GRHL2: variants seen among roughly 807,000 people sequenced by gnomAD.
GRHL2 encodes the protein grainyhead-like protein 2 homolog.
A neutral mutation model predicts 83.8 loss-of-function variants in GRHL2; 21 were observed. That is an observed-to-expected ratio of 0.25 (90% confidence interval 0.18 to 0.36). The LOEUF (loss-of-function observed/expected upper bound fraction) is 0.36, where lower values mean the gene tolerates loss of function less well. GRHL2 is among the 10% of genes least tolerant of loss of function. The pLI, the probability that GRHL2 is intolerant of heterozygous loss-of-function variation, is 1.00. For synonymous variants in GRHL2, 280 were observed against 278.9 expected, an observed-to-expected ratio of 1.00 and a Z score of -0.04; for missense variants, 623 against 781.8, an observed-to-expected ratio of 0.80 and a Z score of 2.42.
In GRHL2 at chr8:101,629,552, A is replaced by C. The variant is rs145570409; in HGVS notation, c.1258-2085A>C. ...CAGATTAATTCTTGTCCCTTTCCTC[A>C]TAAATAGTACAAAATAAAACATTAA... On this transcript the variant is annotated intron_variant, in intron 9 of 15. Coordinates refer to ENST00000646743, the MANE Select transcript of GRHL2 (RefSeq NM_024915.4). Among the ~76,000 whole-genome samples, 641 of 152,200 alleles carry C rather than the reference A, an allele frequency of 4.2e-3. 5 individuals are homozygous for C. Among genetic ancestry groups the C allele is most frequent in the African/African-American group, 0.014 (597 of 41,538 alleles).
At chr8:101,640,145 G>A (rs556486518) in intron 12 of GRHL2, among the ~76,000 whole-genome samples, 1 of 152,348 alleles carries the variant, frequency 6.6e-6, no homozygotes, top group African/African-American at 2.4e-5. Flanking sequence ...TATCATGCCA[G>A]TCAGCCACAA....
intron 7 of GRHL2, among the ~76,000 whole-genome samples, chr8:101,592,105 T>TC (rs1400372977): frequency 7.8e-5 from 10 of 128,848 alleles, no homozygotes; most frequent in East Asian, 4.3e-4. Context: ...CTTTTCTTTT[T>TC]TTTTTTTTTT....
chr8:101,510,337 T>G (rs1810438130), intron 1 of GRHL2, among the ~76,000 whole-genome samples: 1 of 152,194 alleles, frequency 6.6e-6, no homozygotes, highest in Non-Finnish European at 1.5e-5. Flanking sequence ...TAAGTATTTG[T>G]CCATGAGTTT....
intron 14 of GRHL2, among the ~76,000 whole-genome samples, chr8:101,653,322 T>TAA (rs1813712094): frequency 6.6e-6 from 1 of 152,166 alleles, no homozygotes; most frequent in South Asian, 2.1e-4. Flanking sequence ...GGAAAAACCT[T>TAA]AACTTTTAAG....
the GRHL2 span, among the ~76,000 whole-genome samples, chr8:101,678,741 G>A: frequency 1.1e-3 from 160 of 152,142 alleles, 5 homozygotes; most frequent in Admixed American, 9.2e-3. Context: ...ATCTGAGAAC[G>A]GGCAGACTGC....
intron 7 of GRHL2, among the ~76,000 whole-genome samples, chr8:101,592,082 ACTTT>A (rs1245555585): frequency 9.3e-5 from 13 of 140,128 alleles, no homozygotes; most frequent in South Asian, 2.3e-4. Flanking sequence ...CAGGTACAGC[ACTTT>A]CTTTCTTTCT....
At chr8:101,617,959 T>A (rs1205731155) in intron 8 of GRHL2, among the ~76,000 whole-genome samples, 1 of 152,182 alleles carries the variant, frequency 6.6e-6, no homozygotes, top group Non-Finnish European at 1.5e-5. Flanking sequence ...AAATAGTACA[T>A]CTAATGAAAT....
At chr8:101,664,750 C>T (rs1190525723) in intron 15 of GRHL2, among the ~76,000 whole-genome samples, 1 of 151,930 alleles carries the variant, frequency 6.6e-6, no homozygotes, top group Non-Finnish European at 1.5e-5. Context: ...ATTTCAATGA[C>T]AAGACAAGCA....
chr8:101,649,539 G>A, intron 14 of GRHL2, 40 bp downstream of exon 14: 1 of 1,459,406 alleles, frequency 6.9e-7, no homozygotes, highest in Non-Finnish European at 9.6e-7. Flanking sequence ...GAAACCTGCT[G>A]TGTTCTCTCT....
chr8:101,615,707 G>A (rs990253404), intron 8 of GRHL2, among the ~76,000 whole-genome samples: 2 of 152,162 alleles, frequency 1.3e-5, no homozygotes, highest in African/African-American at 2.4e-5. Context: ...TTAACCTAAA[G>A]TTTAGTGTTT....
At chr8:101,673,584 C>A (rs149937736), downstream of GRHL2, among the ~76,000 whole-genome samples, 1 of 150,534 alleles carries the variant, frequency 6.6e-6, no homozygotes, top group Non-Finnish European at 1.5e-5. Flanking sequence ...TCCTTAGAGA[C>A]CTACAAAGAG....
chr8:101,658,741 G>A (rs1217141242), intron 14 of GRHL2, among the ~76,000 whole-genome samples: 2 of 152,156 alleles, frequency 1.3e-5, no homozygotes, highest in African/African-American at 4.8e-5. Context: ...GCTGCTTGAT[G>A]TTGAGTGGAA....
rs1001102232 is a variant in GRHL2, at chr8:101,667,868, C to T, written c.*1165C>T. Reference sequence around the variant, plus strand: ...TACTGTGCCTCCCAGTTTACAAACACGCCCTTCATCTCAAGTGGCCCTTTA... The same window carrying T: ...TACTGTGCCTCCCAGTTTACAAACATGCCCTTCATCTCAAGTGGCCCTTTA... On this transcript the variant is annotated 3_prime_UTR_variant, in exon 16 of 16. Transcript: ENST00000646743. The T allele has an allele frequency of 2.2e-4, 33 of 152,752 alleles. No individual in the cohort carries two copies. The highest frequency in any genetic ancestry group is 5.5e-4 in the African/African-American group (23 of 41,458). The allele number at this position is 152,752 out of a possible 1,614,324, so 9.5% of individuals were successfully genotyped here. A position where few individuals can be genotyped will look rare whatever the true frequency, so the allele number is the denominator to read the frequency against.
intron 8 of GRHL2, among the ~76,000 whole-genome samples, chr8:101,600,161 A>G (rs1812480775): frequency 6.6e-6 from 1 of 152,230 alleles, no homozygotes; most frequent in African/African-American, 2.4e-5. Flanking sequence ...TCACTCAAGT[A>G]TAAAACAATG....
chr8:101,579,181 T>G (rs905721532), intron 7 of GRHL2, among the ~76,000 whole-genome samples: 2 of 152,218 alleles, frequency 1.3e-5, no homozygotes, highest in African/African-American at 4.8e-5. Context: ...AGAGGAACAA[T>G]TTTATTTTAT....
chr8:101,543,061 T>A (rs1334075649), intron 1 of GRHL2, among the ~76,000 whole-genome samples, 180 bp from the exon 2 acceptor site: 1 of 152,240 alleles, frequency 6.6e-6, no homozygotes, highest in Non-Finnish European at 1.5e-5. Flanking sequence ...TTATTACTTC[T>A]CATAGACAGT....
At chr8:101,522,926 T>G (rs1049627294) in intron 1 of GRHL2, among the ~76,000 whole-genome samples, 2 of 151,964 alleles carry the variant, frequency 1.3e-5, no homozygotes, top group African/African-American at 2.4e-5. Context: ...TCTTTTTTTT[T>G]TTAGATGGAA....
chr8:101,601,939 C>T (rs1812522921), intron 8 of GRHL2, among the ~76,000 whole-genome samples: 1 of 152,192 alleles, frequency 6.6e-6, no homozygotes, highest in African/African-American at 2.4e-5. Context: ...AAAAGCCTTG[C>T]ATGCATTAGG....
intron 1 of GRHL2, among the ~76,000 whole-genome samples, chr8:101,510,915 A>G (rs944292525): frequency 1.3e-5 from 2 of 152,158 alleles, no homozygotes; most frequent in African/African-American, 4.8e-5. Flanking sequence ...CCTGGCCAAC[A>G]TGGCGAAACC....
Sources: gnomAD v4.1 joint callset for allele counts (sites outside exome capture counted in the v4.1 genomes callset) on GRCh38, gnomAD v4.1.1 for gene constraint, MANE v1.5 for transcripts, NCBI Gene and HGNC (gene_info 2026-07-23, HGNC 2026-07-21) for gene names.